The following PTPN12 variants were observed in gnomAD, a reference collection of about 807,000 sequenced individuals.
The protein encoded by PTPN12 is protein tyrosine phosphatase non-receptor type 12.
A neutral mutation model predicts 97.6 loss-of-function variants in PTPN12; 29 were observed. The observed-to-expected ratio is 0.30, with a 90% CI of 0.22 to 0.41. The LOEUF (loss-of-function observed/expected upper bound fraction) is 0.41, where lower values mean the gene tolerates loss of function less well. Ranked by LOEUF, PTPN12 falls within the 10% of genes least tolerant of loss-of-function variation. The probability of loss-of-function intolerance (pLI) is 1.00; values close to 1 mark genes in which losing one functional copy is unlikely to be tolerated. For missense variants in PTPN12, 819 were observed against 926.0 expected (o/e 0.88, Z 1.50); for synonymous variants, 327 against 300.4 (o/e 1.09, Z -0.91).
intron 1 of PTPN12, among the ~76,000 whole-genome samples, chr7:77,554,619 TTC>T (rs747730396): frequency 1.3e-5 from 2 of 152,238 alleles, no homozygotes; most frequent in African/African-American, 2.4e-5. Flanking sequence ...ATAATTTGTC[TTC>T]TCTCTAAAAA....
chr7:77,617,621 G>A (rs892337354), intron 11 of PTPN12, among the ~76,000 whole-genome samples: 14 of 152,176 alleles, frequency 9.2e-5, no homozygotes, highest in Admixed American at 1.3e-4. Context: ...AACGATGGCT[G>A]TTGTCTAAAA....
At chr7:77,608,662 C>T (rs548445125) in intron 9 of PTPN12, among the ~76,000 whole-genome samples, 1 of 152,036 alleles carries the variant, frequency 6.6e-6, no homozygotes, top group Non-Finnish European at 1.5e-5. Flanking sequence ...CCTTATTTCT[C>T]TTTTTTCCCT....
chr7:77,636,399 TG>T (rs1789594180), intron 15 of PTPN12, among the ~76,000 whole-genome samples: 1 of 151,956 alleles, frequency 6.6e-6, no homozygotes, highest in Non-Finnish European at 1.5e-5. Context: ...CTGGGCAACA[TG>T]GGGAGACCTT....
intron 1 of PTPN12, among the ~76,000 whole-genome samples, chr7:77,538,359 C>T (rs1330396121): frequency 6.6e-6 from 1 of 151,714 alleles, no homozygotes; most frequent in Non-Finnish European, 1.5e-5. Context: ...GGGGAATTAT[C>T]CTGAAGGAAG....
At chr7:77,610,609 C>T (rs1788538403) in intron 9 of PTPN12, among the ~76,000 whole-genome samples, 156 bp from the exon 10 acceptor site, 1 of 152,208 alleles carries the variant, frequency 6.6e-6, no homozygotes, top group Non-Finnish European at 1.5e-5. Context: ...TTTGTTTCCA[C>T]AGTGCCAAGC....
intron 1 of PTPN12, among the ~76,000 whole-genome samples, chr7:77,556,049 GTGTTTGTT>G (rs56329736): frequency 6.6e-5 from 10 of 151,586 alleles, no homozygotes; most frequent in African/African-American, 2.2e-4. Context: ...TAATCATAGG[GTGTTTGTT>G]TGTTTGTTTG....
At chr7:77,541,089 T>C (rs535323354) in intron 1 of PTPN12, among the ~76,000 whole-genome samples, 2 of 152,230 alleles carry the variant, frequency 1.3e-5, no homozygotes, top group South Asian at 4.2e-4. Flanking sequence ...TGTTTTGTTT[T>C]GTTGTTTTGT....
At chr7:77,552,118 T>C (rs1807505562) in intron 1 of PTPN12, among the ~76,000 whole-genome samples, 2 of 152,190 alleles carry the variant, frequency 1.3e-5, no homozygotes, top group South Asian at 4.1e-4. Context: ...TAGAAGATTA[T>C]TAAAATTCAT....
intron 1 of PTPN12, among the ~76,000 whole-genome samples, chr7:77,552,288 C>G (rs1484140395): frequency 1.4e-5 from 2 of 147,268 alleles, no homozygotes; most frequent in African/African-American, 4.9e-5. Context: ...TGGTGGATTA[C>G]TTTTAAAGTA....
At chr7:77,587,481 A>C (rs1787729358) in intron 5 of PTPN12, among the ~76,000 whole-genome samples, 1 of 152,212 alleles carries the variant, frequency 6.6e-6, no homozygotes, top group Admixed American at 6.5e-5. Context: ...AAAAAACAAA[A>C]ACATGCTGTA....
chr7:77,553,668 G>A (rs575173104), intron 1 of PTPN12, among the ~76,000 whole-genome samples: 2 of 152,266 alleles, frequency 1.3e-5, no homozygotes, highest in South Asian at 4.2e-4. Flanking sequence ...ATCTGTGTGT[G>A]TTTGTATATT....
intron 1 of PTPN12, among the ~76,000 whole-genome samples, chr7:77,570,104 A>G (rs111607367): frequency 2.0e-5 from 3 of 152,226 alleles, no homozygotes; most frequent in Non-Finnish European, 4.4e-5. Context: ...GTGCCAGTGC[A>G]GAATAAGATT....
At chr7:77,573,875 C>G (rs1171080237) in intron 2 of PTPN12, among the ~76,000 whole-genome samples, 1 of 152,196 alleles carries the variant, frequency 6.6e-6, no homozygotes, top group African/African-American at 2.4e-5. Context: ...ATTTTCCTGC[C>G]TCAGCCTCCC....
intron 14 of PTPN12, 104 bp from the exon 15 acceptor site, chr7:77,635,678 C>G: frequency 1.6e-6 from 1 of 610,742 alleles, no homozygotes; most frequent in Non-Finnish European, 2.5e-6. Flanking sequence ...TTTGTGGAAG[C>G]GATAGTTTCT....
intron 17 of PTPN12, 156 bp downstream of exon 17, chr7:77,638,887 AT>A (rs1369970581): frequency 8.1e-7 from 1 of 1,236,448 alleles, no homozygotes; most frequent in Non-Finnish European, 1.1e-6. Context: ...ACTTAATTCT[AT>A]TTCACATTGA....
chr7:77,593,251 A>G lies in PTPN12; in HGVS notation c.492+995A>G, dbSNP rs1787921336. Among the ~76,000 whole-genome samples, 3 of 141,608 alleles carry G rather than the reference A, an allele frequency of 2.1e-5. No individual in the cohort carries two copies. The South Asian group carries it at 7.1e-4, about 34-fold the overall frequency. 92.9% of individuals were successfully genotyped at this position (141,608 alleles called of 152,430 possible). ...ACCACTGCACTCCAGTCTGGGCGAC[A>G]AGGGTGAAACTCCATCTCAAAAAAA... is the stretch of plus-strand genomic sequence containing the variant. On this transcript the variant is annotated intron_variant, in intron 6 of 17. Coordinates refer to ENST00000248594, the MANE Select transcript of PTPN12 (RefSeq NM_002835.4).
intron 12 of PTPN12, among the ~76,000 whole-genome samples, chr7:77,625,472 G>GCGCTCT (rs1554326597): frequency 2.1e-4 from 7 of 33,530 alleles, no homozygotes; most frequent in Admixed American, 5.0e-4. Flanking sequence ...CAGGCTGCTC[G>GCGCTCT]CTCTCTCTCT....
intron 1 of PTPN12, among the ~76,000 whole-genome samples, chr7:77,568,483 A>G (rs1808346547): frequency 6.6e-6 from 1 of 152,304 alleles, no homozygotes; most frequent in Non-Finnish European, 1.5e-5. Flanking sequence ...TACAAAAAAT[A>G]GTAATAATAA....
intron 1 of PTPN12, among the ~76,000 whole-genome samples, chr7:77,543,900 TTATC>T (rs1187640843): frequency 6.6e-6 from 1 of 152,234 alleles, no homozygotes; most frequent in African/African-American, 2.4e-5. Flanking sequence ...CACATTTTGT[TTATC>T]CATTCATCGT....
Sources: allele counts gnomAD v4.1 joint callset (sites outside exome capture counted in the v4.1 genomes callset), GRCh38; gene constraint gnomAD v4.1.1; transcripts MANE v1.5; gene names NCBI Gene and HGNC (gene_info 2026-07-23, HGNC 2026-07-21).